SHOC2: variants seen among roughly 807,000 people sequenced by gnomAD.
SHOC2 encodes leucine-rich repeat protein SHOC-2.
A neutral mutation model predicts 50.2 loss-of-function variants in SHOC2; 4 were observed. The observed-to-expected ratio is 0.08, with a 90% CI of 0.04 to 0.18. SHOC2 has a LOEUF of 0.18. SHOC2 is among the 10% of genes least tolerant of loss of function. The pLI is 1.00. For missense variants in SHOC2, 388 were observed against 669.6 expected (o/e 0.58, Z 4.64); for synonymous variants, 218 against 244.5 (o/e 0.89, Z 1.01).
chr10:111,001,041 A>G (rs1243560912), intron 4 of SHOC2, among the ~76,000 whole-genome samples: 1 of 147,308 alleles, frequency 6.8e-6, no homozygotes, highest in Non-Finnish European at 1.5e-5. Flanking sequence ...CCTATTTAGT[A>G]TAGAACAATC....
intron 5 of SHOC2, among the ~76,000 whole-genome samples, chr10:111,007,201 C>G (rs954374135): frequency 1.3e-4 from 20 of 152,024 alleles, no homozygotes; most frequent in Admixed American, 1.1e-3. Context: ...TCAGTGATTT[C>G]TGCATATTGT....
rs755337327 is a variant in SHOC2 at position 111,007,697 on chromosome 10, C to T, written c.1284+44C>T. On this transcript the variant is annotated intron_variant, in intron 6 of 8. Coordinates refer to ENST00000369452, the MANE Select transcript of SHOC2 (RefSeq NM_007373.4). ...TTAGAGAACTTCAGAACCTTCCATA[C>T]GTATCTCATTTAAAAATTTCAAATT... The T allele has an allele frequency of 2.8e-4, 454 of 1,597,870 alleles. 2 individuals carry two copies. The highest frequency in any genetic ancestry group is 3.7e-4 in the Non-Finnish European group (434 of 1,166,944).
At position 110,986,766 on chromosome 10, in the gene SHOC2, G is replaced by A. The variant is rs180927628; in HGVS notation, c.841+1001G>A. On this transcript the variant is annotated intron_variant, in intron 3 of 8. Transcript: ENST00000369452. The stretch of plus-strand genomic sequence containing the variant: ...GCTGGGATTACAGGCCTTAGCCACC[G>A]TGCTTGGTCCAGTCATGAATATTTT... Among the ~76,000 whole-genome samples, 9 of 152,264 alleles carry A rather than the reference G, an allele frequency of 5.9e-5. No homozygotes were observed. In the East Asian group the frequency reaches 9.7e-4, roughly 16 times the overall value.
At chr10:111,000,962 C>G (rs1848360000) in intron 4 of SHOC2, among the ~76,000 whole-genome samples, 1 of 151,124 alleles carries the variant, frequency 6.6e-6, no homozygotes, top group African/African-American at 2.4e-5. Context: ...GCACTATCAT[C>G]AAAATTAATA....
chr10:110,925,532 T>C lies in SHOC2; in HGVS notation c.-235+5875T>C, dbSNP rs556557501. On this transcript the variant is annotated intron_variant, in intron 1 of 8. Transcript: ENST00000369452. ...TGCAGTGGCACAATCATGGGGCTCA[T>C]TGCAGCCCTGACCTCCCTGGGCTCA... is the stretch of plus-strand genomic sequence containing the variant. Among the ~76,000 whole-genome samples the C allele has an allele frequency of 2.4e-4, 37 of 152,260 alleles. No individual in the cohort carries two copies. The South Asian group carries it at 7.7e-3, about 32-fold the overall frequency.
intron 2 of SHOC2, among the ~76,000 whole-genome samples, chr10:110,981,408 A>G (rs115481379): frequency 0.024 from 3,696 of 152,246 alleles, 154 homozygotes; most frequent in African/African-American, 0.085. Flanking sequence ...ACTCCTGGTG[A>G]CTCTGCATCA....
chr10:111,011,529 G>T, intron 8 of SHOC2, 81 bp from the exon 9 acceptor site: 1 of 905,208 alleles, frequency 1.1e-6, no homozygotes, highest in South Asian at 1.4e-5. Context: ...TATATGTAAT[G>T]ACCAGAACAG....
chr10:111,005,184 G>A (rs1484413466), intron 5 of SHOC2, among the ~76,000 whole-genome samples: 1 of 152,132 alleles, frequency 6.6e-6, no homozygotes, highest in African/African-American at 2.4e-5. Flanking sequence ...TAGGGCAGGA[G>A]GATGGCTTGA....
At chr10:110,955,220 G>C (rs1270982308) in intron 1 of SHOC2, among the ~76,000 whole-genome samples, 1 of 152,198 alleles carries the variant, frequency 6.6e-6, no homozygotes, top group Non-Finnish European at 1.5e-5. Context: ...GTTCAAGAGA[G>C]AGACGATGAG....
At chr10:111,003,756 C>T (rs930630354) in intron 4 of SHOC2, among the ~76,000 whole-genome samples, 2 of 152,146 alleles carry the variant, frequency 1.3e-5, no homozygotes, top group African/African-American at 4.8e-5. Flanking sequence ...GCATTTCTCA[C>T]GAGCTCCCAG....
chr10:110,922,373 A>T (rs921291335), intron 1 of SHOC2, among the ~76,000 whole-genome samples: 2 of 152,118 alleles, frequency 1.3e-5, no homozygotes, highest in Non-Finnish European at 2.9e-5. Flanking sequence ...TGGATAAATT[A>T]TAGTTATATT....
chr10:111,006,574 T>G (rs915556257), intron 5 of SHOC2, among the ~76,000 whole-genome samples: 6 of 151,986 alleles, frequency 3.9e-5, no homozygotes, highest in Non-Finnish European at 8.8e-5. Context: ...GTTTCACCGT[T>G]TTAGCCGGGA....
chr10:111,000,282 G>T (rs1049955279), intron 3 of SHOC2, 133 bp from the exon 4 acceptor site: 2 of 776,760 alleles, frequency 2.6e-6, no homozygotes, highest in Non-Finnish European at 4.3e-6. Context: ...TGAGTTCCTT[G>T]TGCTAGAAGT....
intron 1 of SHOC2, among the ~76,000 whole-genome samples, chr10:110,928,534 A>G (rs796419807): frequency 7.2e-5 from 11 of 152,320 alleles, no homozygotes; most frequent in African/African-American, 2.6e-4. Flanking sequence ...TAAAAGATAG[A>G]TTAATATTAA....
rs1188177371 is a variant in SHOC2, at chr10:111,009,357, A to G, written c.1394A>G (p.Asn465Ser). ...GAGAACAAATTGGAATCCTTGCCAA[A>G]TGAAATTGCATATCTTAAGGATTTA... ...LEENKLESLP[N>S]EIAYLKDLQK... Residue 465 changes from asparagine (N) to serine (S), a missense_variant, in exon 7 of 9, where the codon AAT (asparagine) becomes AGT (serine). Coordinates refer to ENST00000369452, the MANE Select transcript of SHOC2 (RefSeq NM_007373.4). The G allele has an allele frequency of 6.2e-7, 1 of 1,610,730 alleles. No homozygotes were observed. Among genetic ancestry groups the G allele is most frequent in the Admixed American group, 1.7e-5 (1 of 59,962 alleles).
intron 1 of SHOC2, among the ~76,000 whole-genome samples, chr10:110,942,343 A>G (rs1192584348): frequency 6.6e-6 from 1 of 151,882 alleles, no homozygotes. Flanking sequence ...ATATTCTGTT[A>G]TTTTGTTTTT....
At chr10:110,950,865 A>G (rs1847337860) in intron 1 of SHOC2, among the ~76,000 whole-genome samples, 2 of 152,204 alleles carry the variant, frequency 1.3e-5, no homozygotes, top group Non-Finnish European at 2.9e-5. Flanking sequence ...AAACATGAAA[A>G]TAATTACACC....
intron 1 of SHOC2, among the ~76,000 whole-genome samples, chr10:110,945,238 T>TA (rs1344366218): frequency 5.3e-5 from 8 of 152,180 alleles, no homozygotes; most frequent in African/African-American, 1.9e-4. Context: ...TCAGGTCACA[T>TA]ACGGTCAGCA....
At chr10:110,934,195 C>T (rs1191080140) in intron 1 of SHOC2, among the ~76,000 whole-genome samples, 1 of 152,178 alleles carries the variant, frequency 6.6e-6, no homozygotes, top group Non-Finnish European at 1.5e-5. Flanking sequence ...TTGGACCTGA[C>T]AGTTCTACTT....
Sources: allele counts gnomAD v4.1 joint callset (sites outside exome capture counted in the v4.1 genomes callset), GRCh38; gene constraint gnomAD v4.1.1; transcripts MANE v1.5; gene names NCBI Gene and HGNC (gene_info 2026-07-23, HGNC 2026-07-21).